The following PKIB variants were observed in gnomAD, a reference collection of about 807,000 sequenced individuals.
PKIB encodes the protein cAMP-dependent protein kinase inhibitor beta.
PKIB carries 2 observed loss-of-function variants against 4.5 expected under a neutral mutation model. That is an observed-to-expected ratio of 0.44 (90% CI 0.18 to 1.39). PKIB has a LOEUF of 1.39. PKIB is among the 40% of genes most tolerant of loss of function. PKIB has a pLI of 0.27. For synonymous variants in PKIB, 38 were observed against 36.0 expected (o/e 1.06, Z -0.20); for missense variants, 94 against 92.6 (o/e 1.02, Z -0.06).
chr6:122,645,328 G>T (rs1190845936), intron 2 of PKIB, among the ~76,000 whole-genome samples: 1 of 152,158 alleles, frequency 6.6e-6, no homozygotes, highest in African/African-American at 2.4e-5. Flanking sequence ...TTTAATGACG[G>T]CATGGTCTCC....
At chr6:122,621,220 T>TG (rs1562273405) in intron 1 of PKIB, among the ~76,000 whole-genome samples, 3 of 152,206 alleles carry the variant, frequency 2.0e-5, no homozygotes, top group South Asian at 2.1e-4. Flanking sequence ...TAATGGCTTC[T>TG]GGGGGGATTA....
chr6:122,526,104 T>G (rs1255425864), intron 2 of PKIB, among the ~76,000 whole-genome samples: 1 of 152,210 alleles, frequency 6.6e-6, no homozygotes, highest in Non-Finnish European at 1.5e-5. Context: ...TCTTCATCAT[T>G]CAAGTTTGAT....
intron 1 of PKIB, among the ~76,000 whole-genome samples, chr6:122,615,632 A>G (rs563388464): frequency 3.3e-5 from 5 of 152,286 alleles, no homozygotes; most frequent in Admixed American, 2.6e-4. Context: ...TACATATGCA[A>G]TTAGCTAGGA....
At chr6:122,485,122 G>C (rs765335553) in intron 2 of PKIB, among the ~76,000 whole-genome samples, 1 of 152,012 alleles carries the variant, frequency 6.6e-6, no homozygotes, top group Non-Finnish European at 1.5e-5. Context: ...TGTGATTCTG[G>C]GGGCTGCCTG....
intron 2 of PKIB, among the ~76,000 whole-genome samples, chr6:122,490,978 C>T (rs1231468200): frequency 6.6e-6 from 1 of 152,066 alleles, no homozygotes; most frequent in Non-Finnish European, 1.5e-5. Context: ...CTCCAGCAAC[C>T]TCAGTTCCTG....
At chr6:122,562,476 T>C (rs1317569577) in intron 2 of PKIB, among the ~76,000 whole-genome samples, 1 of 152,062 alleles carries the variant, frequency 6.6e-6, no homozygotes, top group Non-Finnish European at 1.5e-5. Context: ...GTGTTCCTTG[T>C]GCTTTTCGTA....
intron 2 of PKIB, among the ~76,000 whole-genome samples, chr6:122,544,194 A>G (rs912587711): frequency 6.6e-6 from 1 of 152,002 alleles, no homozygotes; most frequent in Non-Finnish European, 1.5e-5. Flanking sequence ...GTAAATTTTA[A>G]CAGAGCAGTA....
intron 2 of PKIB, among the ~76,000 whole-genome samples, chr6:122,549,012 C>T (rs1772587370): frequency 6.6e-6 from 1 of 152,176 alleles, no homozygotes; most frequent in Non-Finnish European, 1.5e-5. Context: ...CCTTACTTTC[C>T]TTGACTACAA....
chr6:122,577,468 A>T (rs976388048), intron 2 of PKIB, among the ~76,000 whole-genome samples: 7 of 152,212 alleles, frequency 4.6e-5, no homozygotes, highest in Non-Finnish European at 5.9e-5. Context: ...ACACAAAAAG[A>T]TGTCAGATTT....
rs554074258 is a variant in PKIB, at chr6:122,677,171, C to T, written c.-9+2027C>T. ...TTATGAAAGTAATTCATAAGCTAGT[C>T]TTTGAGAAATACAAATTTTCCTTTA... On this transcript the variant is annotated intron_variant, in intron 3 of 4. Transcript: ENST00000368452. Among the ~76,000 whole-genome samples the T allele has an allele frequency of 2.2e-4, 33 of 152,258 alleles. 1 individual carries two copies. In the South Asian group the frequency reaches 6.6e-3, roughly 31 times the overall value.
chr6:122,696,020 A>G (rs1050156156), intron 3 of PKIB, among the ~76,000 whole-genome samples: 5 of 152,202 alleles, frequency 3.3e-5, no homozygotes, highest in Non-Finnish European at 7.3e-5. Flanking sequence ...TTAGTTATCA[A>G]CTGAGATTTC....
intron 1 of PKIB, among the ~76,000 whole-genome samples, chr6:122,475,684 GC>G (rs151112443): frequency 0.11 from 17,188 of 152,118 alleles, 1,230 homozygotes; most frequent in East Asian, 0.21. Flanking sequence ...TACTCAAGAG[GC>G]CGAGGCAGGA....
Position 122,628,327 on chromosome 6 carries a change from G to A in PKIB, c.-160-4956G>A, listed in dbSNP as rs537253838. Among the ~76,000 whole-genome samples, 130 of 151,066 alleles carry A rather than the reference G, an allele frequency of 8.6e-4. No homozygotes were observed. In the Middle Eastern group the frequency reaches 0.01, roughly 12 times the overall value. ...GCTGGGATTACAGGCGTGAGCCACC[G>A]CGCCCGGCCTCCAGTTCTTTCATTT... On this transcript the variant is annotated intron_variant, in intron 1 of 4. Transcript: ENST00000368452.
At chr6:122,695,434 T>G (rs994927518) in intron 3 of PKIB, among the ~76,000 whole-genome samples, 1 of 146,698 alleles carries the variant, frequency 6.8e-6, no homozygotes, top group Non-Finnish European at 1.5e-5. Context: ...AAAAAATAAG[T>G]TTTTTCAAAA....
At chr6:122,696,725 A>G (rs146660401) in intron 3 of PKIB, among the ~76,000 whole-genome samples, 6 of 152,308 alleles carry the variant, frequency 3.9e-5, no homozygotes, top group East Asian at 1.9e-4. Flanking sequence ...GCAGATGCAC[A>G]TATCTCTACC....
At chr6:122,611,538 A>T (rs1774756187) in intron 1 of PKIB, among the ~76,000 whole-genome samples, 1 of 152,080 alleles carries the variant, frequency 6.6e-6, no homozygotes, top group Admixed American at 6.6e-5. Context: ...TTTTAAAAAA[A>T]CTCTTTTATC....
At chr6:122,605,993 G>A (rs543823585), upstream of PKIB, among the ~76,000 whole-genome samples, 17 of 152,182 alleles carry the variant, frequency 1.1e-4, no homozygotes, top group South Asian at 3.3e-3. Flanking sequence ...ACTGAATGGT[G>A]GTCTCTAAAA....
At chr6:122,579,260 G>A (rs139676753) in intron 2 of PKIB, among the ~76,000 whole-genome samples, 216 of 152,238 alleles carry the variant, frequency 1.4e-3, no homozygotes, top group African/African-American at 5.0e-3. Context: ...TTCCACTGAT[G>A]CCCTGACACA....
At chr6:122,651,046 T>C (rs1362852069) in intron 2 of PKIB, among the ~76,000 whole-genome samples, 3 of 152,114 alleles carry the variant, frequency 2.0e-5, no homozygotes, top group Non-Finnish European at 2.9e-5. Flanking sequence ...AATTCAACTT[T>C]ATGGGAATTT....
Sources: gnomAD v4.1 joint callset for allele counts (sites outside exome capture counted in the v4.1 genomes callset) on GRCh38, gnomAD v4.1.1 for gene constraint, MANE v1.5 for transcripts, NCBI Gene and HGNC (gene_info 2026-07-23, HGNC 2026-07-21) for gene names.